Variants in PDE2A observed in about 807,000 individuals in gnomAD.
The protein encoded by PDE2A is phosphodiesterase 2A.
In PDE2A, 53 loss-of-function variants were observed where a neutral mutation model predicts 133.6. That is an observed-to-expected ratio of 0.40 (90% CI 0.32 to 0.50). The LOEUF (loss-of-function observed/expected upper bound fraction) is 0.50. PDE2A is among the 20% of genes least tolerant of loss of function. The pLI, the probability that PDE2A is intolerant of heterozygous loss-of-function variation, is 0.73. For synonymous variants in PDE2A, 491 were observed against 490.2 expected (o/e 1.00, Z -0.02); for missense variants, 796 against 1,232.4 (o/e 0.65, Z 5.30).
chr11:72,580,436 C>A, intron 25 of PDE2A, 141 bp downstream of exon 25: 1 of 703,186 alleles, frequency 1.4e-6, no homozygotes, highest in Non-Finnish European at 2.6e-6. Flanking sequence ...GGAAAATGAG[C>A]CAGACATGTC....
At position 72,598,750 on chromosome 11, in the gene PDE2A, A is replaced by G. The variant is rs1591047029; in HGVS notation, c.324-1131T>C. 2.5e-5 allele frequency: 31 copies of G among 1,235,336 alleles called. No homozygotes were observed. The South Asian group carries it at 3.4e-4, about 13-fold the overall frequency. The allele number at this position is 1,235,336 out of a possible 1,614,324, so 76.5% of individuals were successfully genotyped here. On this transcript the variant is annotated intron_variant, in intron 4 of 30. Transcript: ENST00000334456. The stretch of plus-strand genomic sequence containing the variant: ...AGAGACTCTAGACAAATCGAGGACC[A>G]AAGAGGTTGAGCATCTCGTTCAAGC...
chr11:72,631,513 G>A (rs1276235466), intron 2 of PDE2A, among the ~76,000 whole-genome samples: 1 of 152,138 alleles, frequency 6.6e-6, no homozygotes. Context: ...AATGGGATCC[G>A]TAATGTCCAC....
At chr11:72,600,456 C>T (rs1444325269) in intron 4 of PDE2A, among the ~76,000 whole-genome samples, 1 of 152,080 alleles carries the variant, frequency 6.6e-6, no homozygotes, top group Non-Finnish European at 1.5e-5. Context: ...CTTTGCGGGA[C>T]CCCATAGCCC....
At chr11:72,617,777 C>A (rs1487438914) in intron 2 of PDE2A, among the ~76,000 whole-genome samples, 3 of 152,218 alleles carry the variant, frequency 2.0e-5, no homozygotes, top group Admixed American at 2.0e-4. Context: ...CCCTGAAGAC[C>A]AAGGCAGAGT....
chr11:72,610,557 T>C (rs903807666), intron 2 of PDE2A, among the ~76,000 whole-genome samples: 68 of 152,256 alleles, frequency 4.5e-4, no homozygotes, highest in African/African-American at 1.6e-3. Context: ...TCTCCCCAGA[T>C]GCTTACTCAG....
At chr11:72,610,511 A>C (rs1857157852) in intron 2 of PDE2A, among the ~76,000 whole-genome samples, 1 of 151,790 alleles carries the variant, frequency 6.6e-6, no homozygotes, top group Admixed American at 6.6e-5. Context: ...CCCCCACCCA[A>C]TCCAGTGTTC....
intron 2 of PDE2A, among the ~76,000 whole-genome samples, chr11:72,623,401 C>A (rs1591088210): frequency 6.6e-6 from 1 of 152,124 alleles, no homozygotes; most frequent in East Asian, 1.9e-4. Flanking sequence ...GGCCTCTAGA[C>A]AATGGAATAT....
At position 72,613,161 on chromosome 11, in the gene PDE2A, C is replaced by T. The variant is rs144158536; in HGVS notation, c.145-4410G>A. On this transcript the variant is annotated intron_variant, in intron 2 of 30. Transcript: ENST00000334456. ...GCCTTTCCCCATCTCCACAGGTCCT[C>T]CTATGGCTCACCCCACTGCCTGGCA... Among the ~76,000 whole-genome samples, 327 of 152,260 alleles carry T rather than the reference C, an allele frequency of 2.1e-3. 1 individual carries two copies. In the Middle Eastern group the frequency reaches 0.027, roughly 13 times the overall value.
In PDE2A at chr11:72,590,526, C is replaced by G. The variant is rs1474482444; in HGVS notation, c.604G>C (p.Ala202Pro). 6.9e-7 allele frequency: 1 copy of G among 1,453,786 alleles called. No individual in the cohort carries two copies. The highest frequency in any genetic ancestry group is 1.5e-5 in the African/African-American group (1 of 67,990). 90.1% of individuals were successfully genotyped at this position (1,453,786 alleles called of 1,614,324 possible). Residue 202 changes from alanine to proline, a missense_variant, in exon 8 of 31, where the codon GCT (alanine) becomes CCT (proline). Ala to Pro is a conservative substitution (Grantham distance 27, BLOSUM62 -1). Transcript: ENST00000334456. The surrounding 1 kb of genome is among the most constrained non-coding windows in gnomAD (Gnocchi z 4.8). ...QVLQQRGPRE[A>P]PRAVQNPPEG... ...GGGGGGTTCTGGACGGCTCGGGGAGCCTCCCTGGGCCCGCGCTGCTGCAGG... is the reference window on the plus strand; with the variant it reads ...GGGGGGTTCTGGACGGCTCGGGGAGGCTCCCTGGGCCCGCGCTGCTGCAGG...
rs1487280038 is a variant in PDE2A, at chr11:72,576,602, G to A, written c.*782C>T. Reference sequence around the variant, plus strand: ...GCTATTTTAGACATTGATCTAAAATGGATCTTAGAGCATGGATTGTCTTAC... The same window carrying A: ...GCTATTTTAGACATTGATCTAAAATAGATCTTAGAGCATGGATTGTCTTAC... On this transcript the variant is annotated 3_prime_UTR_variant, in exon 31 of 31. Transcript: ENST00000334456. 5.9e-6 allele frequency: 1 copy of A among 169,504 alleles called. No individual in the cohort carries two copies. The highest frequency in any genetic ancestry group is 1.5e-5 in the Non-Finnish European group (1 of 68,366). The allele number at this position is 169,504 out of a possible 1,614,324, so 10.5% of individuals were successfully genotyped here. A position where few individuals can be genotyped will look rare whatever the true frequency, so the allele number is the denominator to read the frequency against.
chr11:72,608,638 C>T (rs749664447), intron 3 of PDE2A, 24 bp downstream of exon 3: 111 of 1,089,584 alleles, frequency 1.0e-4, no homozygotes, highest in Middle Eastern at 2.5e-4. Flanking sequence ...GGGTGGGAAG[C>T]GTGGGGCAAG....
At chr11:72,594,751 TC>T (rs1177410801) in intron 6 of PDE2A, among the ~76,000 whole-genome samples, 1 of 151,996 alleles carries the variant, frequency 6.6e-6, no homozygotes, top group Non-Finnish European at 1.5e-5. Context: ...GAATCCCCTT[TC>T]CCTTCTTCCC....
intron 1 of PDE2A, among the ~76,000 whole-genome samples, chr11:72,651,132 C>T (rs1565192491): frequency 6.6e-6 from 1 of 152,172 alleles, no homozygotes; most frequent in Non-Finnish European, 1.5e-5. Flanking sequence ...TATAACACCC[C>T]ATCATTCAAA....
At chr11:72,587,230 AC>A (rs1388863287) in intron 13 of PDE2A, among the ~76,000 whole-genome samples, 1 of 152,192 alleles carries the variant, frequency 6.6e-6, no homozygotes, top group Non-Finnish European at 1.5e-5. Flanking sequence ...TACAGAGGAA[AC>A]ACTTCGGAGG....
At chr11:72,615,165 C>T (rs550689123) in intron 2 of PDE2A, 14 of 469,868 alleles carry the variant, frequency 3.0e-5, no homozygotes, top group Admixed American at 6.0e-5. Context: ...AGGGTGTCCC[C>T]ATCCACAGGA....
chr11:72,619,416 C>T (rs1029391442), intron 2 of PDE2A, among the ~76,000 whole-genome samples: 1 of 152,114 alleles, frequency 6.6e-6, no homozygotes, highest in African/African-American at 2.4e-5. Context: ...ATCATCATGG[C>T]AGACTATGTT....
chr11:72,590,138 G>T lies in PDE2A; in HGVS notation c.756+54C>A. On this transcript the variant is annotated intron_variant, in intron 9 of 30. Transcript: ENST00000334456. The surrounding 1 kb of genome is among the most constrained non-coding windows in gnomAD (Gnocchi z 4.8). The stretch of plus-strand genomic sequence containing the variant: ...AGATGGAGGGCTCAAGGGGAAGTTG[G>T]TCCCCGGAGGGAGACAGGACGGGGA... The T allele has an allele frequency of 6.7e-7, 1 of 1,485,300 alleles. No individual in the cohort carries two copies. The highest frequency in any genetic ancestry group is 9.2e-7 in the Non-Finnish European group (1 of 1,090,146). The allele number at this position is 1,485,300 out of a possible 1,614,324, so 92.0% of individuals were successfully genotyped here. A position where few individuals can be genotyped will look rare whatever the true frequency, so the allele number is the denominator to read the frequency against.
In PDE2A at chr11:72,642,331, G is replaced by A. The variant is rs779734311; in HGVS notation, c.72-5C>T. On this transcript the variant is annotated splice_polypyrimidine_tract_variant and splice_region_variant and intron_variant, in intron 1 of 30. Transcript: ENST00000334456. ...AGGAAGACCTGCTGGCCCCGCCTGA[G>A]GAATTGGACAACAGCGATGAGGATG... 6.5e-7 allele frequency: 1 copy of A among 1,538,968 alleles called. No individual in the cohort carries two copies. Among genetic ancestry groups the A allele is most frequent in the Non-Finnish European group, 8.7e-7 (1 of 1,145,502 alleles).
At chr11:72,585,664 C>T in intron 14 of PDE2A, 71 bp from the exon 15 acceptor site, 1 of 1,346,268 alleles carries the variant, frequency 7.4e-7, no homozygotes, top group Non-Finnish European at 1.0e-6. Flanking sequence ...CTCCTGCCTC[C>T]AACAGCACCC....
Sources: allele counts gnomAD v4.1 joint callset (sites outside exome capture counted in the v4.1 genomes callset), GRCh38; gene constraint gnomAD v4.1.1; non-coding constraint Gnocchi (gnomAD v3.1); transcripts MANE v1.5; gene names NCBI Gene and HGNC (gene_info 2026-07-23, HGNC 2026-07-21).